CTNNA3: variants seen among roughly 807,000 people sequenced by gnomAD.
The protein encoded by CTNNA3 is catenin alpha-3.
Under a neutral mutation model 95.7 loss-of-function variants are expected in CTNNA3, and 76 were observed. That is an observed-to-expected ratio of 0.79 (90% CI 0.66 to 0.96). The LOEUF (loss-of-function observed/expected upper bound fraction) is 0.96, where lower values mean the gene tolerates loss of function less well. Ranked by LOEUF, CTNNA3 falls within the 40% of genes least tolerant of loss-of-function variation. The pLI is 0.00. For synonymous variants in CTNNA3, 431 were observed against 374.4 expected, an observed-to-expected ratio of 1.15 and a Z score of -1.74; for missense variants, 1,191 against 1,089.8, an observed-to-expected ratio of 1.09 and a Z score of -1.31.
chr10:65,981,259 A>G (rs2078313560), intron 16 of CTNNA3, among the ~76,000 whole-genome samples: 1 of 151,932 alleles, frequency 6.6e-6, no homozygotes, highest in Non-Finnish European at 1.5e-5. Flanking sequence ...CTGCAAAAAG[A>G]AAAATAAAAT....
chr10:67,096,022 T>C (rs1012116403), intron 7 of CTNNA3, among the ~76,000 whole-genome samples: 2 of 151,844 alleles, frequency 1.3e-5, no homozygotes, highest in Non-Finnish European at 2.9e-5. Context: ...ATATCTTTCA[T>C]TCACGCATCA....
chr10:66,106,857 C>G (rs996442845), intron 13 of CTNNA3, among the ~76,000 whole-genome samples: 2 of 152,104 alleles, frequency 1.3e-5, no homozygotes, highest in African/African-American at 4.8e-5. Flanking sequence ...ATGTTTCTGT[C>G]CTTTAGATTC....
intron 1 of CTNNA3, among the ~76,000 whole-genome samples, chr10:67,664,806 T>G (rs906105976): frequency 2.0e-5 from 3 of 152,192 alleles, no homozygotes; most frequent in Non-Finnish European, 4.4e-5. Context: ...TCTTGCTGCC[T>G]CTTAGCTATG....
intron 5 of CTNNA3, among the ~76,000 whole-genome samples, chr10:67,364,732 A>G (rs1164373667): frequency 6.6e-6 from 1 of 152,212 alleles, no homozygotes; most frequent in African/African-American, 2.4e-5. Flanking sequence ...AGAGGACACA[A>G]GCAAATGGAA....
At position 67,470,599 on chromosome 10, in the gene CTNNA3, C is replaced by T. The variant is rs577009081; in HGVS notation, c.579+51243G>A. ...AGACTGCCTTAGACAAGTGATGTTT[C>T]CTTATTCAACAGACTAGAATTTGTG... On this transcript the variant is annotated intron_variant, in intron 5 of 17. Transcript: ENST00000433211. 3.3e-4 allele frequency among the ~76,000 whole-genome samples: 50 copies of T among 151,918 alleles called. No homozygotes were observed. In the South Asian group the frequency reaches 7.5e-3, roughly 23 times the overall value.
chr10:65,953,534 C>A (rs999212134), intron 17 of CTNNA3, among the ~76,000 whole-genome samples: 9 of 152,052 alleles, frequency 5.9e-5, no homozygotes, highest in Admixed American at 2.0e-4. Context: ...ATCCCTCCCC[C>A]CTCCACCCAC....
intron 13 of CTNNA3, among the ~76,000 whole-genome samples, chr10:66,132,420 T>C (rs1271817018): frequency 6.6e-6 from 1 of 152,044 alleles, no homozygotes; most frequent in Non-Finnish European, 1.5e-5. Context: ...GGCAAGGTAG[T>C]GGAGAAAAAG....
intron 7 of CTNNA3, among the ~76,000 whole-genome samples, chr10:67,047,685 T>A (rs1040526110): frequency 6.6e-6 from 1 of 152,130 alleles, no homozygotes; most frequent in East Asian, 1.9e-4. Context: ...ATGAAATAAA[T>A]ACCCATCAGC....
chr10:67,222,676 C>T (rs1192577128), intron 5 of CTNNA3, among the ~76,000 whole-genome samples: 1 of 152,142 alleles, frequency 6.6e-6, no homozygotes, highest in Non-Finnish European at 1.5e-5. Context: ...AAAGGATGCA[C>T]AGCTCCTCAG....
At chr10:67,196,542 A>ATGATGGTTAAACCAGAACAGT (rs1863377575) in intron 6 of CTNNA3, among the ~76,000 whole-genome samples, 1 of 152,098 alleles carries the variant, frequency 6.6e-6, no homozygotes, top group African/African-American at 2.4e-5. Context: ...TAATACTGTA[A>ATGATGGTTAAACCAGAACAGT]TGATGGTTAA....
Position 66,442,798 on chromosome 10 carries a change from AGACAGTGGGTGCAG to A in CTNNA3, c.1532-63460_1532-63447del, listed in dbSNP as rs370569149. Among the ~76,000 whole-genome samples the A allele has an allele frequency of 4.0e-3, 602 of 152,298 alleles. 3 individuals are homozygous for A. Among genetic ancestry groups the A allele is most frequent in the African/African-American group, 0.014 (578 of 41,572 alleles). ...TGGGTTCATCTCACTAGGGAGTGCC[AGACAGTGGGTGCAG>A]GACAGTGGGTGCAGTGCACCATGCA... On this transcript the variant is annotated intron_variant, in intron 11 of 17. Coordinates refer to ENST00000433211, the MANE Select transcript of CTNNA3 (RefSeq NM_013266.4).
chr10:65,960,829 T>C (rs1332383393), intron 17 of CTNNA3, among the ~76,000 whole-genome samples: 6 of 152,226 alleles, frequency 3.9e-5, no homozygotes, highest in Non-Finnish European at 4.4e-5. Flanking sequence ...GCTGCATTCA[T>C]GTGGATGTGA....
intron 10 of CTNNA3, among the ~76,000 whole-genome samples, chr10:66,562,908 A>C (rs1842596654): frequency 6.6e-6 from 1 of 152,136 alleles, no homozygotes; most frequent in African/African-American, 2.4e-5. Flanking sequence ...AACTCCTATT[A>C]ATGATCACTT....
At chr10:66,699,656 T>G (rs1358768296) in intron 9 of CTNNA3, among the ~76,000 whole-genome samples, 1 of 141,090 alleles carries the variant, frequency 7.1e-6, no homozygotes, top group African/African-American at 2.6e-5. Flanking sequence ...GAGTACTCAA[T>G]GATATTTACC....
intron 10 of CTNNA3, among the ~76,000 whole-genome samples, chr10:66,613,272 C>G (rs937648706): frequency 6.6e-6 from 1 of 152,078 alleles, no homozygotes; most frequent in Non-Finnish European, 1.5e-5. Context: ...TGCCAGGACA[C>G]ACCACCTCCG....
At chr10:66,536,404 C>A (rs994136170) in intron 10 of CTNNA3, among the ~76,000 whole-genome samples, 3 of 151,340 alleles carry the variant, frequency 2.0e-5, no homozygotes, top group African/African-American at 7.3e-5. Context: ...GTCGCTTGAA[C>A]CCCGGAGGCA....
intron 12 of CTNNA3, among the ~76,000 whole-genome samples, chr10:66,316,263 A>G (rs2092098534): frequency 1.3e-5 from 2 of 152,086 alleles, no homozygotes; most frequent in Admixed American, 6.5e-5. Flanking sequence ...CAAAAGTGAA[A>G]ATTGTAAAGA....
chr10:66,019,444 C>T (rs2079156689), intron 15 of CTNNA3, among the ~76,000 whole-genome samples: 1 of 151,988 alleles, frequency 6.6e-6, no homozygotes. Context: ...AATCAGATCC[C>T]CCCCAAAAGT....
At chr10:66,998,792 C>T (rs1263423394) in intron 7 of CTNNA3, among the ~76,000 whole-genome samples, 1 of 152,084 alleles carries the variant, frequency 6.6e-6, no homozygotes, top group Non-Finnish European at 1.5e-5. Context: ...ATAACTGATA[C>T]ATCAGGCAGC....
Sources: gnomAD v4.1 joint callset for allele counts (sites outside exome capture counted in the v4.1 genomes callset) on GRCh38, gnomAD v4.1.1 for gene constraint, MANE v1.5 for transcripts, NCBI Gene and HGNC (gene_info 2026-07-23, HGNC 2026-07-21) for gene names.